Variants in AP5S1 observed in about 807,000 individuals in gnomAD.
The protein encoded by AP5S1 is AP-5 complex subunit sigma-1.
Under a neutral mutation model 13.9 loss-of-function variants are expected in AP5S1, and 13 were observed. That is an observed-to-expected ratio of 0.94 (90% confidence interval 0.61 to 1.49). AP5S1 has a LOEUF of 1.49. Ranked by LOEUF, AP5S1 falls within the 40% of genes most tolerant of loss-of-function variation. AP5S1 has a pLI of 0.00. For missense variants in AP5S1, 292 were observed against 272.3 expected (o/e 1.07, Z -0.51); for synonymous variants, 132 against 121.8 (o/e 1.08, Z -0.55).
chr20:3,822,592 TTTGAG>T (rs1328898158), intron 2 of AP5S1, among the ~76,000 whole-genome samples: 2 of 152,192 alleles, frequency 1.3e-5, no homozygotes, highest in Non-Finnish European at 2.9e-5. Context: ...ATAATAGTCT[TTTGAG>T]GTAGGTATAG....
Position 3,822,250 on chromosome 20 carries a change from AG to A in AP5S1, c.136del (p.Asp46ThrfsTer10). On this transcript the variant is annotated frameshift_variant, in exon 2 of 3. Transcript: ENST00000615891. LOFTEE classifies it high-confidence loss of function. ...TGACCCACGGCCGCATGGTGCCGAG[AG>A]GGACAGGCTTCTCCGGAAGGAACAG... ...PDDPRPHGAE[R>X]DRLLRKEQIL... 6.2e-7 allele frequency: 1 copy of A among 1,614,148 alleles called. No homozygotes were observed. Among genetic ancestry groups the A allele is most frequent in the African/African-American group, 1.3e-5 (1 of 75,036 alleles).
chr20:3,823,096 T>A (rs999251459), intron 2 of AP5S1, among the ~76,000 whole-genome samples: 1 of 152,162 alleles, frequency 6.6e-6, no homozygotes, highest in Non-Finnish European at 1.5e-5. Flanking sequence ...TGTGCGTGGC[T>A]CAGACTGGAA....
chr20:3,823,888 G>A lies in AP5S1; in HGVS notation c.194G>A (p.Cys65Tyr). Residue 65 changes from cysteine to tyrosine, a missense_variant, in exon 3 of 3, where the codon TGT becomes TAT. Cys to Tyr is a radical substitution (Grantham distance 194, BLOSUM62 -2). Coordinates refer to ENST00000615891, the MANE Select transcript of AP5S1 (RefSeq NM_018347.3). Reference sequence around the variant, plus strand: ...CTCCCCAGGCAGGTAGAGTCAATGTGTCGGCTGCAGCAGCAGGCATCTGGC... The same window carrying A: ...CTCCCCAGGCAGGTAGAGTCAATGTATCGGCTGCAGCAGCAGGCATCTGGC... ...LAVARQVESMCRLQQQASGRP... is the reference protein window; with the variant it reads ...LAVARQVESMYRLQQQASGRP... 11 of 1,601,046 alleles carry A rather than the reference G, an allele frequency of 6.9e-6. No homozygotes were observed. Among genetic ancestry groups the A allele is most frequent in the Non-Finnish European group, 9.3e-6 (11 of 1,178,788 alleles).
At position 3,824,226 on chromosome 20, in the gene AP5S1, C is replaced by A; in HGVS notation, c.532C>A (p.Gln178Lys). 6.2e-7 allele frequency: 1 copy of A among 1,614,188 alleles called. No individual in the cohort carries two copies. Among genetic ancestry groups the A allele is most frequent in the South Asian group, 1.1e-5 (1 of 91,074 alleles). ...GILTRFLPHG[Q>K]LLFLNDQFVQ... is the part of the protein sequence containing the mutation. ...CCTCACCCGCTTCCTGCCACATGGT[C>A]AGCTGCTTTTCCTCAACGACCAGTT... The change falls in exon 3 of 3, where the codon CAG becomes AAG. Residue 178 changes from glutamine (Q) to lysine (K), a missense_variant. By Grantham distance (53) the Gln-to-Lys change is moderately conservative (BLOSUM62 1). Coordinates refer to ENST00000615891, the MANE Select transcript of AP5S1 (RefSeq NM_018347.3).
chr20:3,825,483 T>G lies in AP5S1; in HGVS notation c.*1186T>G, dbSNP rs2146734207. 6.6e-6 allele frequency: 1 copy of G among 152,438 alleles called. No homozygotes were observed. The highest frequency in any genetic ancestry group is 1.5e-5 in the Non-Finnish European group (1 of 68,096). The allele number at this position is 152,438 out of a possible 1,614,324, so 9.4% of individuals were successfully genotyped here. ...CTCCTTAGAGGCCTCCTTTGGATGG[T>G]GGCACACATTTCTCCACCAAAGTAT... On this transcript the variant is annotated 3_prime_UTR_variant, in exon 3 of 3. Coordinates refer to ENST00000615891, the MANE Select transcript of AP5S1 (RefSeq NM_018347.3).
At chr20:3,823,744 T>C in intron 2 of AP5S1, 127 bp from the exon 3 acceptor site, 1 of 1,491,984 alleles carries the variant, frequency 6.7e-7, no homozygotes. Context: ...GATCACTTAG[T>C]CTCTCTAGGC....
rs1346128192 is a variant in AP5S1, at chr20:3,828,145, C to T, written c.*3848C>T. On this transcript the variant is annotated 3_prime_UTR_variant, in exon 3 of 3. Coordinates refer to ENST00000615891, the MANE Select transcript of AP5S1 (RefSeq NM_018347.3). ...TTGTCAGATTCAATACTCTGTGACC[C>T]GTTAACCAAGTCTCTGTATGTTTAT... 2.0e-5 allele frequency: 3 copies of T among 152,140 alleles called. No individual in the cohort carries two copies. The highest frequency in any genetic ancestry group is 2.1e-4 in the South Asian group (1 of 4,824). 9.4% of individuals were successfully genotyped at this position (152,140 alleles called of 1,614,324 possible).
chr20:3,824,273 A>G lies in AP5S1; in HGVS notation c.579A>G (p.Glu193=), dbSNP rs919567173. The stretch of plus-strand genomic sequence containing the variant: ...AGTTTGTCCAAGGCCTGGAGAAGGA[A>G]TTCAGTGCCGCTTGGCCCCGCTGAT... ...NDQFVQGLEK[E]FSAAWPR Residue 193 remains glutamate, a synonymous_variant, in exon 3 of 3, where the codon GAA becomes GAG. Transcript: ENST00000615891. 3.1e-6 allele frequency: 5 copies of G among 1,613,676 alleles called. No individual in the cohort carries two copies. In the Admixed American group the frequency reaches 6.7e-5, roughly 22 times the overall value.
Position 3,825,891 on chromosome 20 carries a change from T to G in AP5S1, c.*1594T>G, listed in dbSNP as rs2089621651. The G allele has an allele frequency of 7.0e-6, 1 of 142,360 alleles. No individual in the cohort carries two copies. Among genetic ancestry groups the G allele is most frequent in the African/African-American group, 2.7e-5 (1 of 37,466 alleles). 8.8% of individuals were successfully genotyped at this position (142,360 alleles called of 1,614,324 possible). On this transcript the variant is annotated 3_prime_UTR_variant, in exon 3 of 3. Coordinates refer to ENST00000615891, the MANE Select transcript of AP5S1 (RefSeq NM_018347.3). ...ATGTTGAGTCCCAAAGGGATATGGG[T>G]GGGGTACCAAAAGTCGGTGGTTAGG... is the stretch of plus-strand genomic sequence containing the variant.
Position 3,822,249 on chromosome 20 carries a change from G to C in AP5S1, c.132G>C (p.Glu44Asp), listed in dbSNP as rs779263091. 6.2e-7 allele frequency: 1 copy of C among 1,614,184 alleles called. No individual in the cohort carries two copies. The highest frequency in any genetic ancestry group is 1.1e-5 in the South Asian group (1 of 91,090). The change falls in exon 2 of 3, where the codon GAG becomes GAC. Residue 44 changes from glutamate (E) to aspartate (D), a missense_variant. Physicochemically the swap from Glu to Asp is conservative, Grantham distance 45 (BLOSUM62 2). Transcript: ENST00000615891. ...SPDDPRPHGAERDRLLRKEQI... is the reference protein window; with the variant it reads ...SPDDPRPHGADRDRLLRKEQI... ...ATGACCCACGGCCGCATGGTGCCGA[G>C]AGGGACAGGCTTCTCCGGAAGGAAC...
chr20:3,822,430 G>T, intron 2 of AP5S1, 137 bp downstream of exon 2: 1 of 731,794 alleles, frequency 1.4e-6, no homozygotes. Flanking sequence ...TTCCCAGAGA[G>T]TCTTCCACAG....
Position 3,822,221 on chromosome 20 carries a change from C to T in AP5S1, c.104C>T (p.Pro35Leu), listed in dbSNP as rs6076556. 6.2e-6 allele frequency: 10 copies of T among 1,614,102 alleles called. No individual in the cohort carries two copies. The highest frequency in any genetic ancestry group is 8.5e-6 in the Non-Finnish European group (10 of 1,180,042). ...YSCVFGAEKS[P>L]DDPRPHGAER... ...TGCGTCTTCGGTGCTGAGAAGTCACCTGATGACCCACGGCCGCATGGTGCC... is the reference window on the plus strand; with the variant it reads ...TGCGTCTTCGGTGCTGAGAAGTCACTTGATGACCCACGGCCGCATGGTGCC... The change falls in exon 2 of 3, where the codon CCT (proline) becomes CTT (leucine). Residue 35 changes from proline (P) to leucine (L), a missense_variant. Physicochemically the swap from Pro to Leu is moderately conservative, Grantham distance 98. Transcript: ENST00000615891.
At chr20:3,822,045 T>G in intron 1 of AP5S1, 57 bp from the exon 2 acceptor site, 1 of 1,551,826 alleles carries the variant, frequency 6.4e-7, no homozygotes, top group Non-Finnish European at 8.7e-7. Context: ...CTTCCTGTGG[T>G]CGCCTCTCCT....
intron 2 of AP5S1, chr20:3,823,493 C>T (rs996002047): frequency 5.2e-5 from 50 of 959,706 alleles, no homozygotes; most frequent in South Asian, 9.6e-5. Context: ...CCTCGTGATC[C>T]GCCCGCCTCG....
intron 2 of AP5S1, 188 bp from the exon 3 acceptor site, chr20:3,823,683 A>C: frequency 4.1e-6 from 4 of 985,384 alleles, no homozygotes; most frequent in Non-Finnish European, 4.8e-6. Context: ...CATGGAATAA[A>C]GTGGTTCAGG....
At chr20:3,823,068 A>T (rs902425558) in intron 2 of AP5S1, among the ~76,000 whole-genome samples, 1 of 152,100 alleles carries the variant, frequency 6.6e-6, no homozygotes, top group Admixed American at 6.5e-5. Context: ...AACCAAATAC[A>T]TGCCTTTAAA....
chr20:3,822,369 C>A, intron 2 of AP5S1, 76 bp downstream of exon 2: 2 of 1,440,676 alleles, frequency 1.4e-6, no homozygotes, highest in Non-Finnish European at 1.9e-6. Flanking sequence ...GGAGTGGGGA[C>A]GCAGAGAAAT....
rs1323210492 is a variant in AP5S1 at position 3,828,131 on chromosome 20, A to G, written c.*3834A>G. ...GCAGTTAACCGTGTTTGTCAGATTCAATACTCTGTGACCCGTTAACCAAGT... is the reference window on the plus strand; with the variant it reads ...GCAGTTAACCGTGTTTGTCAGATTCGATACTCTGTGACCCGTTAACCAAGT... On this transcript the variant is annotated 3_prime_UTR_variant, in exon 3 of 3. Transcript: ENST00000615891. 8 of 152,192 alleles carry G rather than the reference A, an allele frequency of 5.3e-5. No homozygotes were observed. The highest frequency in any genetic ancestry group is 3.9e-4 in the Admixed American group (6 of 15,270). The allele number at this position is 152,192 out of a possible 1,614,324, so 9.4% of individuals were successfully genotyped here.
Position 3,822,242 on chromosome 20 carries a change from G to A in AP5S1, c.125G>A (p.Gly42Asp). The A allele has an allele frequency of 6.2e-7, 1 of 1,614,162 alleles. No homozygotes were observed. ...EKSPDDPRPH[G>D]AERDRLLRKE... ...TCACCTGATGACCCACGGCCGCATG[G>A]TGCCGAGAGGGACAGGCTTCTCCGG... The change falls in exon 2 of 3, where the codon GGT (glycine) becomes GAT (aspartate). Residue 42 changes from glycine to aspartate, a missense_variant. Coordinates refer to ENST00000615891, the MANE Select transcript of AP5S1 (RefSeq NM_018347.3).
Sources: allele counts gnomAD v4.1 joint callset (sites outside exome capture counted in the v4.1 genomes callset), GRCh38; gene constraint gnomAD v4.1.1; transcripts MANE v1.5; gene names NCBI Gene and HGNC (gene_info 2026-07-23, HGNC 2026-07-21).